The following DOP1B variants were observed in gnomAD, a reference collection of about 807,000 sequenced individuals.
The protein encoded by DOP1B is DOP1 leucine zipper like protein B.
In DOP1B, 174 loss-of-function variants were observed where a neutral mutation model predicts 233.5. That is an observed-to-expected ratio of 0.75 (90% CI 0.66 to 0.85). DOP1B has a LOEUF of 0.85. Among genes scored for constraint, DOP1B ranks in the 40% least tolerant of loss-of-function variants. The pLI is 0.00. For synonymous variants in DOP1B, 1,190 were observed against 1,185.6 expected, an observed-to-expected ratio of 1.00 and a Z score of -0.08; for missense variants, 2,652 against 2,846.6, an observed-to-expected ratio of 0.93 and a Z score of 1.56.
chr21:36,268,706 T>C (rs1218555335), intron 26 of DOP1B, among the ~76,000 whole-genome samples: 1 of 152,226 alleles, frequency 6.6e-6, no homozygotes, highest in East Asian at 1.9e-4. Flanking sequence ...CGCAACACTC[T>C]GTCACCAGGC....
rs1318817669 is a variant in DOP1B, at chr21:36,238,712, C to G, written c.2876+11C>G. ...TCGCTCCTTTGATAGGTGAGGCGGC[C>G]TTCGTTATGATCTACCGTTAACTCA... On this transcript the variant is annotated intron_variant, in intron 17 of 36. Coordinates refer to ENST00000691173, the MANE Select transcript of DOP1B (RefSeq NM_001320714.2). 6.2e-7 allele frequency: 1 copy of G among 1,613,642 alleles called. No homozygotes were observed. Among genetic ancestry groups the G allele is most frequent in the South Asian group, 1.1e-5 (1 of 91,070 alleles).
chr21:36,167,243 G>A (rs1201002614), intron 2 of DOP1B, among the ~76,000 whole-genome samples: 1 of 152,114 alleles, frequency 6.6e-6, no homozygotes. Flanking sequence ...CACGATCTCG[G>A]CTCATGACAA....
chr21:36,249,655 G>A (rs901197851), intron 21 of DOP1B, among the ~76,000 whole-genome samples: 5 of 151,652 alleles, frequency 3.3e-5, no homozygotes, highest in African/African-American at 1.2e-4. Flanking sequence ...TTATAGTTTA[G>A]TCTTTGGTTT....
intron 18 of DOP1B, 27 bp downstream of exon 18, chr21:36,239,982 G>T (rs200620596): frequency 1.1e-5 from 17 of 1,588,014 alleles, no homozygotes; most frequent in Middle Eastern, 2.3e-4. Flanking sequence ...GGACCCGAGG[G>T]TGAGGGAGGA....
chr21:36,281,472 A>G lies in DOP1B; in HGVS notation c.6032-11A>G, dbSNP rs2146249216. The stretch of plus-strand genomic sequence containing the variant: ...TTCTCACTAAGTAAAACATTGCTGT[A>G]TTTATTCTAGACATGCAGAGCAGTT... On this transcript the variant is annotated splice_polypyrimidine_tract_variant and intron_variant, in intron 31 of 36. Coordinates refer to ENST00000691173, the MANE Select transcript of DOP1B (RefSeq NM_001320714.2). The G allele has an allele frequency of 6.3e-7, 1 of 1,583,108 alleles. No homozygotes were observed. The highest frequency in any genetic ancestry group is 8.6e-7 in the Non-Finnish European group (1 of 1,156,292).
chr21:36,211,481 G>A, intron 5 of DOP1B, 72 bp from the exon 6 acceptor site: 1 of 1,393,128 alleles, frequency 7.2e-7, no homozygotes, highest in Non-Finnish European at 1.0e-6. Context: ...AAGATTCCCG[G>A]GAAAGGTTAC....
In DOP1B at chr21:36,230,981, G is replaced by A; in HGVS notation, c.2197G>A (p.Glu733Lys). The change falls in exon 14 of 37, where the codon GAG becomes AAG. Residue 733 changes from glutamate to lysine, a missense_variant. Glu to Lys is a moderately conservative substitution (Grantham distance 56). Around this residue, in one of 3 missense-constraint regions of DOP1B, gnomAD observed 2,617 missense variants for 2,794.3 expected, o/e 0.94. Transcript: ENST00000691173. ...GAAAAACGGGGGAGAATGGGATGTT[G>A]AGAAGGTGGTCATTGACCTGGGGGG... ...ARKNGGEWDV[E>K]KVVIDLGGSR... 1.2e-6 allele frequency: 2 copies of A among 1,614,212 alleles called. No homozygotes were observed.
chr21:36,287,579 CTTTTTTTTTT>C (rs869203517), intron 32 of DOP1B, among the ~76,000 whole-genome samples: 6 of 73,124 alleles, frequency 8.2e-5, no homozygotes, highest in Admixed American at 4.1e-4. Context: ...TCCTAACATT[CTTTTTTTTTT>C]TTTTTTTTTT....
intron 2 of DOP1B, among the ~76,000 whole-genome samples, chr21:36,180,610 G>GT: frequency 6.6e-6 from 1 of 152,048 alleles, no homozygotes; most frequent in East Asian, 1.9e-4. Context: ...GCTGGGCACA[G>GT]TGGCTCATGC....
chr21:36,277,767 G>A (rs1452247157), intron 28 of DOP1B, among the ~76,000 whole-genome samples: 2 of 151,800 alleles, frequency 1.3e-5, no homozygotes, highest in Admixed American at 1.3e-4. Flanking sequence ...CAGTTCTCCT[G>A]CCTCAGCCTC....
chr21:36,165,583 G>A lies in DOP1B; in HGVS notation c.138+712G>A, dbSNP rs537348516. Among the ~76,000 whole-genome samples the A allele has an allele frequency of 7.4e-4, 113 of 152,272 alleles. 1 individual carries two copies. Among genetic ancestry groups the A allele is most frequent in the African/African-American group, 2.6e-3 (110 of 41,550 alleles). ...AACCGGGACGCACAGCAGGAGGTGA[G>A]CGGTGCGAGCGAGCATTACTGCTTG... On this transcript the variant is annotated intron_variant, in intron 2 of 36. Transcript: ENST00000691173.
At chr21:36,289,247 A>G in intron 35 of DOP1B, 41 bp downstream of exon 35, 1 of 1,591,966 alleles carries the variant, frequency 6.3e-7, no homozygotes, top group African/African-American at 1.4e-5. Context: ...GAAGTAAGAG[A>G]TTTTGTTTTT....
At chr21:36,267,129 C>T (rs1045312631) in intron 26 of DOP1B, among the ~76,000 whole-genome samples, 9 of 152,196 alleles carry the variant, frequency 5.9e-5, no homozygotes, top group Non-Finnish European at 1.0e-4. Context: ...TATAGCCACT[C>T]GTAGCTGGTG....
intron 32 of DOP1B, 63 bp downstream of exon 32, chr21:36,281,674 T>G: frequency 7.3e-7 from 1 of 1,372,652 alleles, no homozygotes; most frequent in East Asian, 2.6e-5. Context: ...CTGGGGAATT[T>G]ATAAAAACAG....
chr21:36,237,419 G>A lies in DOP1B; in HGVS notation c.2775+5G>A, dbSNP rs768146828. ...GCCCTCCTGGACCCTGACAAGGTGA[G>A]CCTTTCTGGCCGCCACCTCCATCCT... On this transcript the variant is annotated splice_donor_5th_base_variant and intron_variant, in intron 16 of 36. Transcript: ENST00000691173. The A allele has an allele frequency of 1.2e-5, 20 of 1,613,526 alleles. No homozygotes were observed. In the Admixed American group the frequency reaches 1.7e-4, roughly 13 times the overall value.
intron 2 of DOP1B, among the ~76,000 whole-genome samples, chr21:36,180,517 G>A (rs1054327009): frequency 6.6e-6 from 1 of 152,078 alleles, no homozygotes; most frequent in East Asian, 1.9e-4. Context: ...GTCACAGTGA[G>A]CTGAGATCAG....
At chr21:36,169,086 TA>T (rs1406748957) in intron 2 of DOP1B, 1 of 863,734 alleles carries the variant, frequency 1.2e-6, no homozygotes, top group East Asian at 2.4e-5. Flanking sequence ...TCAGTGAACT[TA>T]AGGTCAGTCT....
intron 23 of DOP1B, among the ~76,000 whole-genome samples, chr21:36,259,330 G>A (rs2067143834): frequency 2.0e-5 from 3 of 150,978 alleles, no homozygotes; most frequent in South Asian, 2.1e-4. Context: ...GAGTGCAGTG[G>A]CGTGATCTTG....
chr21:36,277,202 C>A, intron 28 of DOP1B, 102 bp downstream of exon 28: 1 of 1,180,788 alleles, frequency 8.5e-7, no homozygotes, highest in Non-Finnish European at 1.2e-6. Flanking sequence ...GCGTGGGCCG[C>A]ACCCTCCCAG....
Sources: gnomAD v4.1 joint callset for allele counts (sites outside exome capture counted in the v4.1 genomes callset) on GRCh38, gnomAD v4.1.1 for gene constraint, gnomAD v4.1.1 regional missense constraint, MANE v1.5 for transcripts, NCBI Gene and HGNC (gene_info 2026-07-23, HGNC 2026-07-21) for gene names.